Variants in RTF2 observed in about 807,000 individuals in gnomAD.
RTF2 encodes UPF0549 protein C20orf43.
In RTF2, 18 loss-of-function variants were observed where a neutral mutation model predicts 38.0. That is an observed-to-expected ratio of 0.47 (90% CI 0.33 to 0.70). The LOEUF is 0.70. RTF2 is among the 30% of genes least tolerant of loss of function. RTF2 has a pLI of 0.02. For synonymous variants in RTF2, 126 were observed against 137.1 expected (o/e 0.92, Z 0.57); for missense variants, 311 against 379.6 (o/e 0.82, Z 1.50).
chr20:56,508,851 C>G (rs1191617031), intron 5 of RTF2, among the ~76,000 whole-genome samples: 2 of 152,200 alleles, frequency 1.3e-5, no homozygotes, highest in African/African-American at 4.8e-5. Flanking sequence ...CCTTACCTTA[C>G]ATTGAATGTA....
At chr20:56,495,297 T>C (rs1983444415) in intron 5 of RTF2, 1 of 1,550,766 alleles carries the variant, frequency 6.4e-7, no homozygotes, top group Admixed American at 2.0e-5. Context: ...ACCTGGAGCA[T>C]CTAAGAGGAA....
Position 56,481,267 on chromosome 20 carries a change from C to T in RTF2, c.399-2844C>T, listed in dbSNP as rs1353363831. 2.0e-5 allele frequency among the ~76,000 whole-genome samples: 3 copies of T among 152,310 alleles called. 1 individual carries two copies. In the South Asian group the frequency reaches 6.2e-4, roughly 32 times the overall value. ...TTAAACAGCAGTATTTAATCCTGAGCATTCTGGCACATTGGCGTCTGTTTA... is the reference window on the plus strand; with the variant it reads ...TTAAACAGCAGTATTTAATCCTGAGTATTCTGGCACATTGGCGTCTGTTTA... On this transcript the variant is annotated intron_variant, in intron 4 of 8. Coordinates refer to ENST00000357348, the MANE Select transcript of RTF2 (RefSeq NM_016407.5).
At chr20:56,491,721 G>A in intron 5 of RTF2, 5 of 1,552,234 alleles carry the variant, frequency 3.2e-6, no homozygotes, top group Non-Finnish European at 4.4e-6. Flanking sequence ...AACAGAGAAG[G>A]CGACTGAATG....
At chr20:56,492,336 C>T (rs1409088408) in intron 5 of RTF2, among the ~76,000 whole-genome samples, 1 of 151,244 alleles carries the variant, frequency 6.6e-6, no homozygotes, top group Non-Finnish European at 1.5e-5. Context: ...CCTCGGCCTC[C>T]CAAAGTGCTG....
chr20:56,490,437 TCTGTGAA>T (rs1479019679), intron 5 of RTF2, among the ~76,000 whole-genome samples: 1 of 152,188 alleles, frequency 6.6e-6, no homozygotes, highest in Non-Finnish European at 1.5e-5. Context: ...GAGACCCAGA[TCTGTGAA>T]TAGAGATAAT....
Position 56,473,520 on chromosome 20 carries a change from C to T in RTF2, c.164+125C>T, listed in dbSNP as rs547313043. ...AGCAAATTTGTGAGGCATAGGCTGT[C>T]GTTCCCTGTCTCTGAACATAGTTCT... On this transcript the variant is annotated intron_variant, in intron 2 of 8. Transcript: ENST00000357348. The T allele has an allele frequency of 8.9e-5, 57 of 640,572 alleles. No individual in the cohort carries two copies. The African/African-American group carries it at 9.2e-4, about 10-fold the overall frequency. The allele number at this position is 640,572 out of a possible 1,614,324, so 39.7% of individuals were successfully genotyped here. A position where few individuals can be genotyped will look rare whatever the true frequency, so the allele number is the denominator to read the frequency against.
chr20:56,470,493 G>A (rs4811706), intron 1 of RTF2: 13,175 of 438,512 alleles, frequency 0.03, 1,127 homozygotes, highest in East Asian at 0.3. Flanking sequence ...CCCTGGTGGA[G>A]CTTACATTTC....
chr20:56,472,375 GA>G, intron 1 of RTF2: 3 of 1,547,930 alleles, frequency 1.9e-6, no homozygotes, highest in Non-Finnish European at 2.6e-6. Flanking sequence ...CACAGTGAAG[GA>G]AAAAACAAGA....
chr20:56,502,605 A>G lies in RTF2; in HGVS notation c.478-10710A>G, dbSNP rs1057086014. On this transcript the variant is annotated intron_variant, in intron 5 of 8. Coordinates refer to ENST00000357348, the MANE Select transcript of RTF2 (RefSeq NM_016407.5). ...TTTTTATATGTATATATTTTAAAGG[A>G]AATTCCTATGAGTAAATAGATAATG... Among the ~76,000 whole-genome samples the G allele has an allele frequency of 3.7e-4, 56 of 152,330 alleles. 1 individual carries two copies. Among genetic ancestry groups the G allele is most frequent in the African/African-American group, 1.3e-3 (54 of 41,574 alleles).
At chr20:56,496,487 G>GC (rs1247261967) in intron 5 of RTF2, among the ~76,000 whole-genome samples, 1 of 152,346 alleles carries the variant, frequency 6.6e-6, no homozygotes, top group East Asian at 1.9e-4. Context: ...GGTGGAGCTT[G>GC]CAGTGAGCCG....
chr20:56,484,116 G>T lies in RTF2; in HGVS notation c.404G>T (p.Cys135Phe). The change falls in exon 5 of 9, where the codon TGC becomes TTC. Residue 135 changes from cysteine (C) to phenylalanine (F), a missense_variant. Physicochemically the swap from Cys to Phe is radical, Grantham distance 205. Coordinates refer to ENST00000357348, the MANE Select transcript of RTF2 (RefSeq NM_016407.5). Reference sequence around the variant, plus strand: ...CCACTGGGTTATTTCTCCAGGTTCTGCTTCCTTCGGTGCTGCGGCTGTGTG... The same window carrying T: ...CCACTGGGTTATTTCTCCAGGTTCTTCTTCCTTCGGTGCTGCGGCTGTGTG... ...GLEMNGRHRF[C>F]FLRCCGCVFS... 1 of 1,614,058 alleles carries T rather than the reference G, an allele frequency of 6.2e-7. No individual in the cohort carries two copies. Among genetic ancestry groups the T allele is most frequent in the South Asian group, 1.1e-5 (1 of 91,080 alleles).
chr20:56,497,523 G>A, intron 5 of RTF2: 1 of 1,450,084 alleles, frequency 6.9e-7, no homozygotes, highest in Non-Finnish European at 9.2e-7. Context: ...TTCTGCAGGA[G>A]TTGGATTCCT....
At chr20:56,483,233 C>G (rs1982615151) in intron 4 of RTF2, among the ~76,000 whole-genome samples, 1 of 152,148 alleles carries the variant, frequency 6.6e-6, no homozygotes, top group East Asian at 1.9e-4. Context: ...AAAAGTCACA[C>G]TTTACTTGAT....
intron 4 of RTF2, among the ~76,000 whole-genome samples, chr20:56,483,529 A>G (rs1982629971): frequency 6.6e-6 from 1 of 151,968 alleles, no homozygotes; most frequent in Non-Finnish European, 1.5e-5. Context: ...GGTTCTCAGT[A>G]TGTTGCCCAG....
At chr20:56,476,562 C>T (rs963209080) in intron 3 of RTF2, among the ~76,000 whole-genome samples, 9 of 150,138 alleles carry the variant, frequency 6.0e-5, no homozygotes, top group East Asian at 1.9e-4. Context: ...TGCAGTGGCA[C>T]GATCTCAGCT....
intron 5 of RTF2, chr20:56,496,980 G>A: frequency 6.4e-7 from 1 of 1,551,662 alleles, no homozygotes; most frequent in Non-Finnish European, 8.7e-7. Context: ...GGTTTTGATG[G>A]GAAAATCCTG....
Position 56,484,202 on chromosome 20 carries a change from C to T in RTF2, c.477+13C>T. ...AGTTTGCCACACGGTGAGTTCCTGA[C>T]ATGTACCATTTGTTCCTTCTCTGTA... On this transcript the variant is annotated intron_variant, in intron 5 of 8. Transcript: ENST00000357348. 3 of 1,602,292 alleles carry T rather than the reference C, an allele frequency of 1.9e-6. No homozygotes were observed. The highest frequency in any genetic ancestry group is 2.6e-6 in the Non-Finnish European group (3 of 1,169,250).
intron 5 of RTF2, among the ~76,000 whole-genome samples, chr20:56,489,435 A>T (rs1163420217): frequency 2.0e-5 from 3 of 151,990 alleles, no homozygotes; most frequent in Admixed American, 6.6e-5. Context: ...TGTTTGTTTC[A>T]ATTTGTGCTT....
intron 5 of RTF2, among the ~76,000 whole-genome samples, chr20:56,505,671 A>G (rs182678767): frequency 7.9e-5 from 12 of 152,084 alleles, no homozygotes; most frequent in Admixed American, 4.6e-4. Flanking sequence ...TGGAAGAAGC[A>G]ACTGAGGAAA....
Sources: gnomAD v4.1 joint callset for allele counts (sites outside exome capture counted in the v4.1 genomes callset) on GRCh38, gnomAD v4.1.1 for gene constraint, MANE v1.5 for transcripts, NCBI Gene and HGNC (gene_info 2026-07-23, HGNC 2026-07-21) for gene names.